The following CDH12 variants were observed in gnomAD, a reference collection of about 807,000 sequenced individuals.
The protein encoded by CDH12 is cadherin 12, also known as cadherin-12.
Under a neutral mutation model 74.1 loss-of-function variants are expected in CDH12, and 41 were observed. The observed-to-expected ratio is 0.55, with a 90% CI of 0.43 to 0.72. CDH12 has a LOEUF of 0.72. Ranked by LOEUF, CDH12 falls within the 30% of genes least tolerant of loss-of-function variation. The probability of loss-of-function intolerance (pLI) is 0.00; values close to 1 mark genes in which losing one functional copy is unlikely to be tolerated. For missense variants in CDH12, 945 were observed against 977.2 expected (o/e 0.97, Z 0.44); for synonymous variants, 399 against 355.0 (o/e 1.12, Z -1.39).
intron 3 of CDH12, among the ~76,000 whole-genome samples, chr5:22,333,341 G>A (rs1300455464): frequency 1.3e-5 from 2 of 152,060 alleles, no homozygotes; most frequent in African/African-American, 4.8e-5. Flanking sequence ...GGGAGGGAGA[G>A]CATTAGGACA....
At chr5:22,611,028 T>C (rs985938890) in intron 1 of CDH12, among the ~76,000 whole-genome samples, 1 of 152,188 alleles carries the variant, frequency 6.6e-6, no homozygotes, top group African/African-American at 2.4e-5. Context: ...TCATCAGTAT[T>C]ATTATCTTCA....
intron 1 of CDH12, among the ~76,000 whole-genome samples, chr5:22,688,530 G>A (rs528030907): frequency 2.0e-5 from 3 of 152,288 alleles, no homozygotes; most frequent in East Asian, 1.9e-4. Flanking sequence ...ATCCCGCAGC[G>A]ATGGAACATT....
At chr5:22,407,594 T>C (rs1018840157) in intron 2 of CDH12, among the ~76,000 whole-genome samples, 1 of 152,062 alleles carries the variant, frequency 6.6e-6, no homozygotes, top group East Asian at 1.9e-4. Context: ...TCTTTCCCCA[T>C]GGCTCTCTGC....
At position 22,242,788 on chromosome 5, in the gene CDH12, T is replaced by G. The variant is rs191356265; in HGVS notation, c.-332-30145A>C. On this transcript the variant is annotated intron_variant, in intron 3 of 14. Transcript: ENST00000382254. Reference sequence around the variant, plus strand: ...TAAGCTATTGTGCCCTCTCAAAGACTCAAGCCACATCCAAGCAATACTCCT... The same window carrying G: ...TAAGCTATTGTGCCCTCTCAAAGACGCAAGCCACATCCAAGCAATACTCCT... 2.4e-3 allele frequency among the ~76,000 whole-genome samples: 367 copies of G among 152,294 alleles called. 3 individuals are homozygous for G. Among genetic ancestry groups the G allele is most frequent in the African/African-American group, 8.7e-3 (361 of 41,560 alleles).
intron 3 of CDH12, among the ~76,000 whole-genome samples, chr5:22,363,030 A>C (rs1740884742): frequency 6.6e-6 from 1 of 152,032 alleles, no homozygotes; most frequent in Admixed American, 6.6e-5. Flanking sequence ...ATGTATATGT[A>C]TGTAACAAAC....
At chr5:22,330,577 C>T (rs994092102) in intron 3 of CDH12, among the ~76,000 whole-genome samples, 1 of 151,804 alleles carries the variant, frequency 6.6e-6, no homozygotes, top group Non-Finnish European at 1.5e-5. Context: ...ATGGTGAAAT[C>T]CTGTCTCTAA....
chr5:22,781,023 A>C (rs977006904), intron 1 of CDH12, among the ~76,000 whole-genome samples: 2 of 152,160 alleles, frequency 1.3e-5, no homozygotes, highest in Non-Finnish European at 2.9e-5. Flanking sequence ...TATAAATGTG[A>C]CACACTGATG....
intron 14 of CDH12, among the ~76,000 whole-genome samples, chr5:21,754,127 G>A (rs943388913): frequency 5.9e-5 from 9 of 152,118 alleles, no homozygotes; most frequent in African/African-American, 1.9e-4. Context: ...CAGATGTTCC[G>A]GCAGAAATGA....
intron 1 of CDH12, among the ~76,000 whole-genome samples, chr5:22,775,309 T>C (rs1747034636): frequency 6.6e-6 from 1 of 152,032 alleles, no homozygotes; most frequent in Non-Finnish European, 1.5e-5. Flanking sequence ...ATTTGTGTCA[T>C]TTCTGAAATC....
At chr5:21,923,763 A>G (rs1245052251) in intron 6 of CDH12, among the ~76,000 whole-genome samples, 2 of 152,230 alleles carry the variant, frequency 1.3e-5, no homozygotes, top group Non-Finnish European at 2.9e-5. Flanking sequence ...GGATCTTGGT[A>G]TAATTTTTAA....
At chr5:22,376,268 A>T (rs1263681156) in intron 3 of CDH12, among the ~76,000 whole-genome samples, 2 of 152,098 alleles carry the variant, frequency 1.3e-5, no homozygotes, top group Non-Finnish European at 2.9e-5. Flanking sequence ...GAGACGGAGA[A>T]TAGAAAGATA....
chr5:22,696,370 CAAAAAAA>C (rs1313736569), intron 1 of CDH12, among the ~76,000 whole-genome samples: 2 of 96,552 alleles, frequency 2.1e-5, no homozygotes, highest in South Asian at 3.7e-4. Flanking sequence ...GACTCCGTCT[CAAAAAAA>C]AAAAAAAAAA....
intron 3 of CDH12, among the ~76,000 whole-genome samples, chr5:22,273,259 A>G (rs1736484128): frequency 6.6e-6 from 1 of 152,186 alleles, no homozygotes; most frequent in African/African-American, 2.4e-5. Context: ...AATAATGAAG[A>G]CATTAAAAGT....
chr5:22,250,069 G>C lies in CDH12; in HGVS notation c.-332-37426C>G, dbSNP rs546975292. On this transcript the variant is annotated intron_variant, in intron 3 of 14. Coordinates refer to ENST00000382254, the MANE Select transcript of CDH12 (RefSeq NM_004061.5). ...GAAGTATTGCAGAAAAAACTGAACA[G>C]AATTTTTAAAGACTTGGGATCTGGA... 1.1e-4 allele frequency among the ~76,000 whole-genome samples: 17 copies of C among 152,118 alleles called. No individual in the cohort carries two copies. In the South Asian group the frequency reaches 3.3e-3, roughly 30 times the overall value.
At chr5:21,954,204 T>G (rs1336774691) in intron 6 of CDH12, among the ~76,000 whole-genome samples, 1 of 152,092 alleles carries the variant, frequency 6.6e-6, no homozygotes, top group Non-Finnish European at 1.5e-5. Flanking sequence ...AGCAATAAAA[T>G]ATATACTTAG....
intron 1 of CDH12, among the ~76,000 whole-genome samples, chr5:22,816,593 G>C (rs1749403896): frequency 6.6e-6 from 1 of 152,122 alleles, no homozygotes; most frequent in Non-Finnish European, 1.5e-5. Flanking sequence ...CCATTTACTT[G>C]CTGCCCTGCA....
intron 1 of CDH12, among the ~76,000 whole-genome samples, chr5:22,662,539 T>C (rs1382197117): frequency 6.6e-6 from 1 of 152,164 alleles, no homozygotes; most frequent in East Asian, 1.9e-4. Flanking sequence ...CAACACTTTG[T>C]TAAAAAATAA....
At chr5:22,693,537 T>C (rs1451684680) in intron 1 of CDH12, among the ~76,000 whole-genome samples, 2 of 152,070 alleles carry the variant, frequency 1.3e-5, no homozygotes, top group Non-Finnish European at 2.9e-5. Flanking sequence ...AAAATAACAA[T>C]GATTTTTGAA....
At chr5:22,333,129 T>C (rs937110701) in intron 3 of CDH12, among the ~76,000 whole-genome samples, 3 of 152,136 alleles carry the variant, frequency 2.0e-5, no homozygotes, top group African/African-American at 2.4e-5. Context: ...TGGAATACTA[T>C]GCAGCCATGA....
Sources: allele counts gnomAD v4.1 joint callset (sites outside exome capture counted in the v4.1 genomes callset), GRCh38; gene constraint gnomAD v4.1.1; transcripts MANE v1.5; gene names NCBI Gene and HGNC (gene_info 2026-07-23, HGNC 2026-07-21).